Variants in ADAMTSL1 observed in about 807,000 individuals in gnomAD.
ADAMTSL1 encodes ADAMTS-like protein 1.
In ADAMTSL1, 126 loss-of-function variants were observed where a neutral mutation model predicts 201.8. The ratio of observed to expected loss-of-function variants is 0.62; its 90% CI spans 0.54 to 0.72. ADAMTSL1 has a LOEUF of 0.72. ADAMTSL1 is among the 30% of genes least tolerant of loss of function. The probability of loss-of-function intolerance (pLI) is 0.00; values close to 1 mark genes in which losing one functional copy is unlikely to be tolerated. For missense variants in ADAMTSL1, 2,679 were observed against 2,277.8 expected (o/e 1.18, Z -3.59); for synonymous variants, 1,121 against 903.4 (o/e 1.24, Z -4.32).
intron 8 of ADAMTSL1, among the ~76,000 whole-genome samples, chr9:18,659,799 T>G (rs1322147303): frequency 2.6e-5 from 4 of 152,108 alleles, no homozygotes; most frequent in Admixed American, 6.6e-5. Context: ...GAAAATCGCT[T>G]TGTTTAAAAA....
chr9:18,209,950 T>C (rs1202017086), intron 2 of ADAMTSL1, among the ~76,000 whole-genome samples: 3 of 152,168 alleles, frequency 2.0e-5, no homozygotes, highest in African/African-American at 7.2e-5. Flanking sequence ...CAGTACAGAA[T>C]GCATGGAATA....
chr9:18,204,940 A>T (rs1276656661), intron 2 of ADAMTSL1, among the ~76,000 whole-genome samples: 31 of 152,274 alleles, frequency 2.0e-4, no homozygotes. Context: ...CATTTGATTG[A>T]GTTGATTTTA....
intron 3 of ADAMTSL1, among the ~76,000 whole-genome samples, chr9:18,534,286 C>A (rs551274337): frequency 6.6e-6 from 1 of 152,162 alleles, no homozygotes; most frequent in African/African-American, 2.4e-5. Flanking sequence ...CACAGCTACT[C>A]ACGAGGCTGA....
intron 15 of ADAMTSL1, among the ~76,000 whole-genome samples, chr9:18,743,370 T>C (rs1013920608): frequency 5.3e-5 from 8 of 152,210 alleles, no homozygotes; most frequent in African/African-American, 1.7e-4. Flanking sequence ...AGATGGTAAA[T>C]GTATATCTTG....
intron 1 of ADAMTSL1, among the ~76,000 whole-genome samples, chr9:17,992,287 C>T (rs1355525955): frequency 3.3e-5 from 5 of 152,170 alleles, no homozygotes; most frequent in Admixed American, 3.3e-4. Flanking sequence ...AGTTTATCTG[C>T]AGCTGGTGCA....
chr9:18,106,178 C>T (rs1369874389), intron 1 of ADAMTSL1, among the ~76,000 whole-genome samples: 2 of 152,148 alleles, frequency 1.3e-5, no homozygotes, highest in African/African-American at 4.8e-5. Context: ...GCAGGCAGCT[C>T]GCTTTGGCCC....
chr9:18,881,692 A>G (rs1828546158), intron 23 of ADAMTSL1, among the ~76,000 whole-genome samples: 1 of 152,222 alleles, frequency 6.6e-6, no homozygotes, highest in Non-Finnish European at 1.5e-5. Context: ...TGCTTAGCAC[A>G]GGGTTGCCAC....
chr9:18,588,886 T>TATATATATATATATATACATATAC (rs1554710724), intron 4 of ADAMTSL1, among the ~76,000 whole-genome samples: 58 of 125,928 alleles, frequency 4.6e-4, no homozygotes, highest in African/African-American at 1.1e-3. Context: ...TACATATACA[T>TATATATATATATATATACATATAC]ATATATATAT....
intron 13 of ADAMTSL1, among the ~76,000 whole-genome samples, chr9:18,693,242 T>C (rs1012380693): frequency 2.6e-5 from 4 of 152,240 alleles, no homozygotes; most frequent in Non-Finnish European, 5.9e-5. Context: ...AGCTGCCCCT[T>C]AATTTTTTTA....
intron 2 of ADAMTSL1, among the ~76,000 whole-genome samples, chr9:18,425,977 A>C (rs181211246): frequency 6.6e-6 from 1 of 152,186 alleles, no homozygotes; most frequent in East Asian, 1.9e-4. Flanking sequence ...TGAGAGAAAA[A>C]TTTCCCAGAA....
intron 1 of ADAMTSL1, among the ~76,000 whole-genome samples, chr9:18,013,446 C>A (rs973013707): frequency 3.3e-5 from 5 of 151,930 alleles, no homozygotes; most frequent in Admixed American, 6.6e-5. Context: ...TACAGTCTTA[C>A]CTTGAGAGTT....
chr9:18,769,718 C>T (rs2133710482), intron 16 of ADAMTSL1, among the ~76,000 whole-genome samples: 1 of 152,306 alleles, frequency 6.6e-6, no homozygotes, highest in East Asian at 1.9e-4. Flanking sequence ...TCCCTGAAAG[C>T]ACACACAACC....
intron 2 of ADAMTSL1, among the ~76,000 whole-genome samples, chr9:18,301,176 A>G (rs1311431737): frequency 6.6e-6 from 1 of 152,214 alleles, no homozygotes; most frequent in Non-Finnish European, 1.5e-5. Context: ...GGAAGAAAGA[A>G]AAAAAGTATG....
chr9:18,642,687 G>T (rs991226362), intron 7 of ADAMTSL1, among the ~76,000 whole-genome samples: 3 of 151,898 alleles, frequency 2.0e-5, no homozygotes, highest in African/African-American at 4.8e-5. Flanking sequence ...CGCAGTATTT[G>T]TCTTTCTGGG....
intron 5 of ADAMTSL1, among the ~76,000 whole-genome samples, chr9:18,629,588 G>C (rs776789): frequency 0.57 from 87,356 of 151,976 alleles, 25,871 homozygotes; most frequent in East Asian, 0.78. Context: ...CTGGGATAAA[G>C]TGTACTTGGT....
chr9:18,130,927 C>T (rs1385175674), intron 1 of ADAMTSL1, among the ~76,000 whole-genome samples: 1 of 152,064 alleles, frequency 6.6e-6, no homozygotes, highest in African/African-American at 2.4e-5. Flanking sequence ...GTTGCCATTC[C>T]TGACTAGTGG....
intron 4 of ADAMTSL1, among the ~76,000 whole-genome samples, chr9:18,608,056 A>G (rs16936896): frequency 0.01 from 1,560 of 152,298 alleles, 30 homozygotes; most frequent in African/African-American, 0.036. Context: ...ACGTGATGCA[A>G]TATAGCCAAA....
intron 2 of ADAMTSL1, among the ~76,000 whole-genome samples, chr9:18,394,093 T>C (rs1817648698): frequency 6.6e-6 from 1 of 152,216 alleles, no homozygotes; most frequent in African/African-American, 2.4e-5. Context: ...TGGCATAAGA[T>C]GATGGTTACG....
intron 2 of ADAMTSL1, among the ~76,000 whole-genome samples, chr9:18,364,062 A>G: frequency 6.6e-6 from 1 of 152,222 alleles, no homozygotes; most frequent in East Asian, 1.9e-4. Context: ...TCCTAGAGGC[A>G]AAAATGAAGA....
Sources: gnomAD v4.1 joint callset for allele counts (sites outside exome capture counted in the v4.1 genomes callset) on GRCh38, gnomAD v4.1.1 for gene constraint, MANE v1.5 for transcripts, NCBI Gene and HGNC (gene_info 2026-07-23, HGNC 2026-07-21) for gene names.